The following CACUL1 variants were observed in gnomAD, a reference collection of about 807,000 sequenced individuals.
CACUL1 encodes CDK2 associated cullin domain 1.
A neutral mutation model predicts 45.2 loss-of-function variants in CACUL1; 13 were observed. The ratio of observed to expected loss-of-function variants is 0.29; its 90% CI spans 0.19 to 0.46. CACUL1 has a LOEUF of 0.46. Ranked by LOEUF, CACUL1 falls within the 20% of genes least tolerant of loss-of-function variation. The pLI is 1.00. For synonymous variants in CACUL1, 197 were observed against 174.2 expected (o/e 1.13, Z -1.03); for missense variants, 421 against 471.4 (o/e 0.89, Z 0.99).
At chr10:118,727,359 A>G (rs1329631787) in intron 3 of CACUL1, among the ~76,000 whole-genome samples, 6 of 150,830 alleles carry the variant, frequency 4.0e-5, no homozygotes, top group African/African-American at 1.2e-4. Flanking sequence ...GTACCACTGC[A>G]CTCCAGCCTG....
Position 118,695,171 on chromosome 10 carries a change from T to C in CACUL1, c.856A>G (p.Ile286Val). Residue 286 changes from isoleucine to valine, a missense_variant, in exon 6 of 9, where the codon ATT becomes GTT. Around this residue, in one of 2 missense-constraint regions of CACUL1, gnomAD observed 208 missense variants for 298.4 expected, o/e 0.70. Transcript: ENST00000369151. ...CTGAGGGTATACAGGCCTTTCACAA[T>C]ATTTGCCATAGTTGAAGGTGTGACC... Reference protein sequence around the residue: ...FQVTPSTMANIVKGLYTLRPE... With the variant: ...FQVTPSTMANVVKGLYTLRPE... The C allele has an allele frequency of 6.2e-7, 1 of 1,607,440 alleles. No individual in the cohort carries two copies. The highest frequency in any genetic ancestry group is 8.5e-7 in the Non-Finnish European group (1 of 1,174,028).
Position 118,730,294 on chromosome 10 carries a change from G to C in CACUL1, c.484C>G (p.Gln162Glu). The change falls in exon 2 of 9, where the codon CAG becomes GAG. Residue 162 changes from glutamine (Q) to glutamate (E), a missense_variant. Gln to Glu is a conservative substitution (Grantham distance 29). Transcript: ENST00000369151. ...PGDYIPISYE[Q>E]IYSCVYKCVC... ...TAAATCTTAACTTACCTGTATATCTGTTCATAGGATATGGGGATATAGTCA... is the reference window on the plus strand; with the variant it reads ...TAAATCTTAACTTACCTGTATATCTCTTCATAGGATATGGGGATATAGTCA... 6.2e-7 allele frequency: 1 copy of C among 1,613,898 alleles called. No individual in the cohort carries two copies. Among genetic ancestry groups the C allele is most frequent in the South Asian group, 1.1e-5 (1 of 91,070 alleles).
chr10:118,734,110 C>A (rs78226791), intron 1 of CACUL1, among the ~76,000 whole-genome samples: 1,538 of 152,288 alleles, frequency 0.01, 27 homozygotes, highest in African/African-American at 0.035. Flanking sequence ...AAGATCAGAG[C>A]AGCATGACAG....
At chr10:118,725,389 G>T (rs969205944) in intron 3 of CACUL1, among the ~76,000 whole-genome samples, 2 of 152,096 alleles carry the variant, frequency 1.3e-5, no homozygotes, top group Non-Finnish European at 2.9e-5. Flanking sequence ...GATCATTTGA[G>T]CCCAGGAGGT....
At chr10:118,703,544 A>C (rs991715981) in intron 4 of CACUL1, among the ~76,000 whole-genome samples, 1 of 152,180 alleles carries the variant, frequency 6.6e-6, no homozygotes, top group African/African-American at 2.4e-5. Context: ...TTATATACAT[A>C]TTTGTATGTA....
At chr10:118,728,941 G>A (rs1348108663) in intron 3 of CACUL1, among the ~76,000 whole-genome samples, 2 of 152,044 alleles carry the variant, frequency 1.3e-5, no homozygotes, top group East Asian at 3.9e-4. Context: ...ATGATAATAC[G>A]AGTTCCAAAA....
In CACUL1 at chr10:118,681,879, A is replaced by AAAAC; in HGVS notation, c.*4245_*4248dup. Reference sequence around the variant, plus strand: ...GACAGAGAGGAATGATTTCCCTTGGAAAACAACAGGGTTCCTTTCTCATAT... The same window carrying AAAAC: ...GACAGAGAGGAATGATTTCCCTTGGAAAACAAACAACAGGGTTCCTTTCTCATAT... On this transcript the variant is annotated 3_prime_UTR_variant, in exon 9 of 9. Transcript: ENST00000369151. The AAAAC allele has an allele frequency of 6.6e-6, 1 of 152,332 alleles. No homozygotes were observed. Among genetic ancestry groups the AAAAC allele is most frequent in the East Asian group, 1.9e-4 (1 of 5,192 alleles). The allele number at this position is 152,332 out of a possible 1,614,324, so 9.4% of individuals were successfully genotyped here.
chr10:118,731,462 T>A (rs890020667), intron 1 of CACUL1, among the ~76,000 whole-genome samples: 5 of 152,232 alleles, frequency 3.3e-5, no homozygotes, highest in African/African-American at 1.2e-4. Context: ...TTCAATACTT[T>A]CTTTAAATCA....
intron 7 of CACUL1, among the ~76,000 whole-genome samples, chr10:118,687,206 T>G (rs1845215967): frequency 6.6e-6 from 1 of 152,084 alleles, no homozygotes; most frequent in Non-Finnish European, 1.5e-5. Flanking sequence ...CCACGTGTAG[T>G]CCAGGATGGT....
Position 118,754,752 on chromosome 10 carries a change from C to A in CACUL1, c.11G>T (p.Ser4Ile). The change falls in exon 1 of 9, where the codon AGC (serine) becomes ATC (isoleucine). Residue 4 changes from serine to isoleucine, a missense_variant. Physicochemically the swap from Ser to Ile is moderately radical, Grantham distance 142. Around this residue, in one of 2 missense-constraint regions of CACUL1, gnomAD observed 213 missense variants for 173.1 expected, o/e 1.23. Coordinates refer to ENST00000369151, the MANE Select transcript of CACUL1 (RefSeq NM_153810.5). MEE[S>I]MEEEEGGSYE... ...GCTGCCCCCCTCCTCCTCTTCCATG[C>A]TTTCCTCCATCCTGCTGGCCCCCGG... The A allele has an allele frequency of 6.3e-7, 1 of 1,588,674 alleles. No individual in the cohort carries two copies. The highest frequency in any genetic ancestry group is 8.5e-7 in the Non-Finnish European group (1 of 1,169,876).
In CACUL1 at chr10:118,738,892, T is replaced by TAAAAAAAAAAAAAAA. The variant is rs150393133; in HGVS notation, c.368-8497_368-8483dup. On this transcript the variant is annotated intron_variant, in intron 1 of 8. Coordinates refer to ENST00000369151, the MANE Select transcript of CACUL1 (RefSeq NM_153810.5). Reference sequence around the variant, plus strand: ...AAAAAAGAAGTAATCCAAGTGCTCTTAAAAAAAAAAAAAAAAAAAAAAAGC... The same window carrying TAAAAAAAAAAAAAAA: ...AAAAAAGAAGTAATCCAAGTGCTCTTAAAAAAAAAAAAAAAAAAAAAAAAAAAAAAAAAAAAAAGC... 2.2e-4 allele frequency among the ~76,000 whole-genome samples: 14 copies of TAAAAAAAAAAAAAAA among 62,258 alleles called. 1 individual carries two copies. The highest frequency in any genetic ancestry group is 8.7e-4 in the African/African-American group (14 of 16,164). 40.8% of individuals were successfully genotyped at this position (62,258 alleles called of 152,430 possible).
chr10:118,700,711 C>T (rs1446010227), intron 5 of CACUL1, among the ~76,000 whole-genome samples: 4 of 65,014 alleles, frequency 6.2e-5, no homozygotes, highest in South Asian at 5.5e-4. Flanking sequence ...AGCGAGACTC[C>T]GTCTCAAAAA....
rs140262646 is a variant in CACUL1 at position 118,744,123 on chromosome 10, C to T, written c.367+10273G>A. ...TCTGGAGGCCGGATGCGGTGGCTCA[C>T]GCCTGTAATCCTAGCACTTTGGGAG... is the stretch of plus-strand genomic sequence containing the variant. On this transcript the variant is annotated intron_variant, in intron 1 of 8. Transcript: ENST00000369151. Among the ~76,000 whole-genome samples the T allele has an allele frequency of 6.1e-3, 923 of 152,282 alleles. 12 individuals carry two copies. Among genetic ancestry groups the T allele is most frequent in the African/African-American group, 0.019 (798 of 41,568 alleles).
rs748864509 is a variant in CACUL1, at chr10:118,754,638, G to T, written c.125C>A (p.Pro42His). ...TCGGGCAGGGGCCGGGATCGACGAG[G>T]GGGGCGGCGGAGGTGGCAGGGGCTG... is the stretch of plus-strand genomic sequence containing the variant. ...FRQPLPPPPP[P>H]SSIPAPAREP... The change falls in exon 1 of 9, where the codon CCC becomes CAC. Residue 42 changes from proline (P) to histidine (H), a missense_variant. Pro to His is a moderately conservative substitution (Grantham distance 77). Coordinates refer to ENST00000369151, the MANE Select transcript of CACUL1 (RefSeq NM_153810.5). The T allele has an allele frequency of 1.4e-5, 23 of 1,606,444 alleles. No homozygotes were observed. In the East Asian group the frequency reaches 2.5e-4, roughly 17 times the overall value.
At chr10:118,753,012 G>A (rs772093131) in intron 1 of CACUL1, among the ~76,000 whole-genome samples, 14 of 152,024 alleles carry the variant, frequency 9.2e-5, no homozygotes, top group Non-Finnish European at 1.9e-4. Flanking sequence ...ATCTTTTGGT[G>A]TGACAAATCC....
intron 7 of CACUL1, 69 bp downstream of exon 7, chr10:118,691,196 C>G (rs997194262): frequency 7.3e-7 from 1 of 1,366,510 alleles, no homozygotes; most frequent in African/African-American, 1.5e-5. Flanking sequence ...ACCATTTCTC[C>G]CATGTCAAGC....
chr10:118,738,051 T>C (rs1245277837), intron 1 of CACUL1, among the ~76,000 whole-genome samples: 1 of 152,192 alleles, frequency 6.6e-6, no homozygotes, highest in Non-Finnish European at 1.5e-5. Context: ...AATAAGTCAA[T>C]CTCTCCTTGG....
chr10:118,753,671 A>G (rs567842857), intron 1 of CACUL1, among the ~76,000 whole-genome samples: 1 of 152,376 alleles, frequency 6.6e-6, no homozygotes, highest in South Asian at 2.1e-4. Context: ...GTTAAGACAG[A>G]CTACTAACAT....
At chr10:118,734,476 C>G (rs1200155475) in intron 1 of CACUL1, among the ~76,000 whole-genome samples, 1 of 152,072 alleles carries the variant, frequency 6.6e-6, no homozygotes, top group Non-Finnish European at 1.5e-5. Context: ...AGTAAGTTAC[C>G]ATTAAATTAC....
Sources: gnomAD v4.1 joint callset for allele counts (sites outside exome capture counted in the v4.1 genomes callset) on GRCh38, gnomAD v4.1.1 for gene constraint, gnomAD v4.1.1 regional missense constraint, MANE v1.5 for transcripts, NCBI Gene and HGNC (gene_info 2026-07-23, HGNC 2026-07-21) for gene names.